The following OCA2 variants were observed in gnomAD, a reference collection of about 807,000 sequenced individuals.
OCA2 encodes OCA2 melanosomal transmembrane protein, also known as P protein.
In OCA2, 77 loss-of-function variants were observed where a neutral mutation model predicts 100.2. The observed-to-expected ratio is 0.77, with a 90% CI of 0.64 to 0.93. The LOEUF (loss-of-function observed/expected upper bound fraction) is 0.93, where lower values mean the gene tolerates loss of function less well. OCA2 is among the 40% of genes least tolerant of loss of function. OCA2 has a pLI of 0.00. For missense variants in OCA2, 1,062 were observed against 1,089.1 expected, an observed-to-expected ratio of 0.98 and a Z score of 0.35; for synonymous variants, 432 against 439.2, an observed-to-expected ratio of 0.98 and a Z score of 0.21.
At chr15:27,880,670 G>T (rs2036977865) in intron 19 of OCA2, among the ~76,000 whole-genome samples, 1 of 152,014 alleles carries the variant, frequency 6.6e-6, no homozygotes, top group Non-Finnish European at 1.5e-5. Flanking sequence ...GTGTATTGTT[G>T]GTGTATAGGA....
intron 18 of OCA2, among the ~76,000 whole-genome samples, chr15:27,934,389 C>T (rs1222673027): frequency 3.3e-5 from 5 of 152,206 alleles, no homozygotes; most frequent in Admixed American, 2.0e-4. Context: ...ACGTACCACA[C>T]AGTTCAGAAG....
the OCA2 span, among the ~76,000 whole-genome samples, chr15:27,743,625 G>A: frequency 6.6e-6 from 1 of 152,138 alleles, no homozygotes; most frequent in Non-Finnish European, 1.5e-5. Context: ...GGCCCAGGGA[G>A]GCCATGAATT....
chr15:27,818,507 A>G (rs2034391830), intron 23 of OCA2, among the ~76,000 whole-genome samples: 4 of 152,220 alleles, frequency 2.6e-5, no homozygotes, highest in Admixed American at 2.6e-4. Context: ...GAATGCCACA[A>G]AAGAGTTGTC....
chr15:28,021,952 C>A (rs1012069269), intron 6 of OCA2, among the ~76,000 whole-genome samples: 1 of 152,214 alleles, frequency 6.6e-6, no homozygotes, highest in African/African-American at 2.4e-5. Flanking sequence ...CAGCCAGATT[C>A]TCACTAGATT....
At chr15:27,752,181 C>T (rs953214106), downstream of OCA2, among the ~76,000 whole-genome samples, 1 of 152,216 alleles carries the variant, frequency 6.6e-6, no homozygotes, top group Admixed American at 6.5e-5. Context: ...GACCCTTCAT[C>T]TGGATTTTCA....
intron 19 of OCA2, among the ~76,000 whole-genome samples, chr15:27,908,028 G>A (rs898617226): frequency 6.6e-6 from 1 of 151,666 alleles, no homozygotes; most frequent in Non-Finnish European, 1.5e-5. Context: ...GTGTGACAAT[G>A]ATACCTAAAC....
Position 27,957,667 on chromosome 15 carries a change from T to A in OCA2, c.1705A>T (p.Thr569Ser). The A allele has an allele frequency of 6.2e-7, 1 of 1,613,060 alleles. No individual in the cohort carries two copies. Among genetic ancestry groups the A allele is most frequent in the Non-Finnish European group, 8.5e-7 (1 of 1,180,004 alleles). ...CCCAGCAGCAGGCGGCGCACAGCTG[T>A]CTCCTCGCGGCTGGCCGGGCTGATG... ...QRISPASREE[T>S]AVRRLLLGKV... is the part of the protein sequence containing the mutation. Residue 569 changes from threonine (T) to serine (S), a missense_variant, in exon 16 of 24, where the codon ACA becomes TCA. Thr to Ser is a moderately conservative substitution (Grantham distance 58). Coordinates refer to ENST00000354638, the MANE Select transcript of OCA2 (RefSeq NM_000275.3). The surrounding 1 kb of genome is among the most constrained non-coding windows in gnomAD (Gnocchi z 4.3).
At chr15:28,066,411 AG>A (rs2044025029) in intron 2 of OCA2, among the ~76,000 whole-genome samples, 1 of 151,884 alleles carries the variant, frequency 6.6e-6, no homozygotes, top group African/African-American at 2.4e-5. Flanking sequence ...ATGATGGGAG[AG>A]GGGGGTGGGA....
At position 27,805,428 on chromosome 15, in the gene OCA2, G is replaced by A. The variant is rs538007770; in HGVS notation, c.2432+39531C>T. Among the ~76,000 whole-genome samples, 17 of 152,368 alleles carry A rather than the reference G, an allele frequency of 1.1e-4. No homozygotes were observed. The South Asian group carries it at 3.5e-3, about 32-fold the overall frequency. On this transcript the variant is annotated intron_variant, in intron 23 of 23. Transcript: ENST00000354638. ...CAGATGCTTCGCTGGGCCTGAGCAGGCAGATGGCTGCACACCGCGGGGACC... is the reference window on the plus strand; with the variant it reads ...CAGATGCTTCGCTGGGCCTGAGCAGACAGATGGCTGCACACCGCGGGGACC...
At chr15:27,767,431 T>C (rs2031351949) in intron 23 of OCA2, among the ~76,000 whole-genome samples, 1 of 151,064 alleles carries the variant, frequency 6.6e-6, no homozygotes. Context: ...AGAACTTTTC[T>C]GTCTAACTAG....
intron 14 of OCA2, among the ~76,000 whole-genome samples, chr15:27,967,563 CTTCAT>C (rs2040613693): frequency 6.6e-6 from 1 of 152,214 alleles, no homozygotes; most frequent in Non-Finnish European, 1.5e-5. Flanking sequence ...TTTTTAAACA[CTTCAT>C]TTAAGTCCCT....
At chr15:27,764,016 A>T (rs1312165597) in intron 23 of OCA2, among the ~76,000 whole-genome samples, 1 of 151,894 alleles carries the variant, frequency 6.6e-6, no homozygotes, top group African/African-American at 2.4e-5. Flanking sequence ...TGGGGAGTGG[A>T]GAGAGACAGA....
intron 18 of OCA2, among the ~76,000 whole-genome samples, chr15:27,950,241 A>C (rs1019597245): frequency 1.3e-4 from 20 of 152,248 alleles, no homozygotes; most frequent in African/African-American, 4.6e-4. Context: ...AAATAAAATC[A>C]GGAGCAAAAT....
At chr15:28,056,817 G>T (rs532497070) in intron 2 of OCA2, among the ~76,000 whole-genome samples, 1 of 152,362 alleles carries the variant, frequency 6.6e-6, no homozygotes, top group East Asian at 1.9e-4. Flanking sequence ...GAATATTCAG[G>T]TGCTAGACCC....
intron 23 of OCA2, among the ~76,000 whole-genome samples, chr15:27,827,301 G>A (rs2034767293): frequency 6.6e-6 from 1 of 152,140 alleles, no homozygotes; most frequent in Admixed American, 6.5e-5. Context: ...TTTAAATGAG[G>A]GAAACAAGCT....
At chr15:28,010,596 G>A (rs1234703507) in intron 9 of OCA2, among the ~76,000 whole-genome samples, 1 of 152,066 alleles carries the variant, frequency 6.6e-6, no homozygotes, top group Non-Finnish European at 1.5e-5. Flanking sequence ...TAAAAACTCA[G>A]TACCATTTAC....
intron 17 of OCA2, among the ~76,000 whole-genome samples, chr15:27,953,660 C>T (rs1035379548): frequency 6.6e-6 from 1 of 152,126 alleles, no homozygotes; most frequent in South Asian, 2.1e-4. Flanking sequence ...TTCCAGCATC[C>T]TGCAGCTCAT....
intron 19 of OCA2, among the ~76,000 whole-genome samples, chr15:27,910,266 C>T (rs1216927462): frequency 6.6e-6 from 1 of 152,216 alleles, no homozygotes; most frequent in East Asian, 1.9e-4. Context: ...CCCAGCACAA[C>T]TCTTGCAGAG....
At chr15:28,097,082 A>C (rs2044999574) in intron 1 of OCA2, among the ~76,000 whole-genome samples, 1 of 152,184 alleles carries the variant, frequency 6.6e-6, no homozygotes, top group Non-Finnish European at 1.5e-5. Flanking sequence ...GCCAGCTTGG[A>C]AACTGTGTCC....
Sources: allele counts gnomAD v4.1 joint callset (sites outside exome capture counted in the v4.1 genomes callset), GRCh38; gene constraint gnomAD v4.1.1; non-coding constraint Gnocchi (gnomAD v3.1); transcripts MANE v1.5; gene names NCBI Gene and HGNC (gene_info 2026-07-23, HGNC 2026-07-21).